The following NFAT5 variants were observed in gnomAD, a reference collection of about 807,000 sequenced individuals.
NFAT5 encodes the protein nuclear factor of activated T-cells 5.
NFAT5 carries 31 observed loss-of-function variants against 166.5 expected under a neutral mutation model. The observed-to-expected ratio is 0.19, with a 90% CI of 0.14 to 0.25. The LOEUF (loss-of-function observed/expected upper bound fraction) is 0.25, where lower values mean the gene tolerates loss of function less well. NFAT5 is among the 10% of genes least tolerant of loss of function. NFAT5 has a pLI of 1.00. For synonymous variants in NFAT5, 612 were observed against 639.7 expected (o/e 0.96, Z 0.65); for missense variants, 1,449 against 1,821.8 (o/e 0.80, Z 3.72).
intron 2 of NFAT5, among the ~76,000 whole-genome samples, chr16:69,571,391 A>G (rs1009480108): frequency 1.3e-5 from 2 of 152,076 alleles, no homozygotes; most frequent in Admixed American, 6.6e-5. Context: ...TTATTATCCT[A>G]CTTTAGAGAT....
At chr16:69,602,133 C>A (rs991794175) in intron 2 of NFAT5, among the ~76,000 whole-genome samples, 1 of 150,840 alleles carries the variant, frequency 6.6e-6, no homozygotes, top group Non-Finnish European at 1.5e-5. Flanking sequence ...CTTTTTTTTT[C>A]ATTGGGAGAA....
At chr16:69,598,715 AAG>A (rs2032953443) in intron 2 of NFAT5, among the ~76,000 whole-genome samples, 1 of 152,148 alleles carries the variant, frequency 6.6e-6, no homozygotes, top group South Asian at 2.1e-4. Context: ...ACAGACATTA[AAG>A]AAATGATTAT....
chr16:69,686,787 C>T (rs889713124), intron 11 of NFAT5, among the ~76,000 whole-genome samples: 16 of 151,944 alleles, frequency 1.1e-4, no homozygotes, highest in African/African-American at 3.9e-4. Flanking sequence ...TGCTTGAACC[C>T]GGGAGGCGGG....
Position 69,693,767 on chromosome 16 carries a change from T to C in NFAT5, c.3942T>C (p.Asn1314=). Residue 1314 remains asparagine (N), a synonymous_variant, in exon 13 of 15, where the codon AAT becomes AAC. Coordinates refer to ENST00000349945, the MANE Select transcript of NFAT5 (RefSeq NM_138713.4). ...ACATGATATTCAACCCAAATCAAAA[T>C]CCAATGGCTAATCAGGAGCAACAGA... ...PPNMIFNPNQ[N]PMANQEQQNQ... is the part of the protein sequence containing the mutation. The C allele has an allele frequency of 6.2e-7, 1 of 1,614,076 alleles. No individual in the cohort carries two copies. Among genetic ancestry groups the C allele is most frequent in the Non-Finnish European group, 8.5e-7 (1 of 1,180,020 alleles).
chr16:69,566,183 G>A lies in NFAT5; in HGVS notation c.-119G>A. 1.3e-6 allele frequency: 1 copy of A among 793,388 alleles called. No individual in the cohort carries two copies. The highest frequency in any genetic ancestry group is 2.0e-6 in the Non-Finnish European group (1 of 503,554). 49.1% of individuals were successfully genotyped at this position (793,388 alleles called of 1,614,324 possible). ...TCACTACCCTCGAGGAGGAGGCAGC[G>A]GCAGCCGCCCTCGCGTCGCCGCCCC... On this transcript the variant is annotated 5_prime_UTR_variant, in exon 1 of 15. Coordinates refer to ENST00000349945, the MANE Select transcript of NFAT5 (RefSeq NM_138713.4). The surrounding 1 kb of genome is among the most constrained non-coding windows in gnomAD (Gnocchi z 5.7).
At chr16:69,590,365 A>T (rs1341122171) in intron 2 of NFAT5, among the ~76,000 whole-genome samples, 1 of 152,176 alleles carries the variant, frequency 6.6e-6, no homozygotes, top group Non-Finnish European at 1.5e-5. Flanking sequence ...TTAGGTTTGG[A>T]TATTTAAAGT....
intron 3 of NFAT5, among the ~76,000 whole-genome samples, chr16:69,639,633 A>T (rs923131265): frequency 2.6e-5 from 4 of 152,198 alleles, no homozygotes; most frequent in African/African-American, 9.6e-5. Flanking sequence ...AAAAGTATAA[A>T]TTGGTATCCT....
chr16:69,614,251 G>T (rs72801339), intron 2 of NFAT5, among the ~76,000 whole-genome samples: 2 of 151,762 alleles, frequency 1.3e-5, no homozygotes, highest in East Asian at 3.9e-4. Context: ...GACATCCTGG[G>T]ATCAAGCAGT....
chr16:69,585,979 T>C (rs887595094), intron 2 of NFAT5, among the ~76,000 whole-genome samples: 11 of 152,340 alleles, frequency 7.2e-5, no homozygotes, highest in African/African-American at 2.2e-4. Flanking sequence ...GCCACTGAAT[T>C]GTGCACTTAA....
intron 2 of NFAT5, among the ~76,000 whole-genome samples, chr16:69,588,172 C>T (rs1157869467): frequency 6.6e-6 from 1 of 151,902 alleles, no homozygotes; most frequent in Non-Finnish European, 1.5e-5. Context: ...GGCTGGTCTC[C>T]AGTTGCTGAC....
intron 3 of NFAT5, among the ~76,000 whole-genome samples, chr16:69,629,743 A>G (rs532226003): frequency 2.9e-4 from 44 of 150,062 alleles, no homozygotes; most frequent in African/African-American, 1.1e-3. Context: ...TCTGGGAAAT[A>G]AGTGCACACT....
At chr16:69,619,557 A>G (rs2034110248) in intron 2 of NFAT5, among the ~76,000 whole-genome samples, 1 of 152,150 alleles carries the variant, frequency 6.6e-6, no homozygotes, top group Non-Finnish European at 1.5e-5. Context: ...GATTGTTTTG[A>G]GGTTAAATGA....
chr16:69,643,439 A>C (rs2035303082), intron 3 of NFAT5, among the ~76,000 whole-genome samples: 2 of 141,820 alleles, frequency 1.4e-5, no homozygotes, highest in Admixed American at 1.5e-4. Context: ...TTTTAATAGG[A>C]TATTAAGGAT....
At position 69,700,186 on chromosome 16, in the gene NFAT5, T is replaced by TC. The variant is rs2037874309; in HGVS notation, c.*3837dup. 1 of 147,512 alleles carries TC rather than the reference T, an allele frequency of 6.8e-6. No individual in the cohort carries two copies. The highest frequency in any genetic ancestry group is 2.4e-4 in the South Asian group (1 of 4,236). The allele number at this position is 147,512 out of a possible 1,614,324, so 9.1% of individuals were successfully genotyped here. ...TCTCCTTCCCTTATTCCTCCCTCCC[T>TC]CCTTTCTCCCTTCCTTCCTTTCTTC... On this transcript the variant is annotated 3_prime_UTR_variant, in exon 15 of 15. Transcript: ENST00000349945.
intron 2 of NFAT5, among the ~76,000 whole-genome samples, chr16:69,602,275 T>A (rs1415671514): frequency 6.6e-6 from 1 of 151,634 alleles, no homozygotes; most frequent in Non-Finnish European, 1.5e-5. Flanking sequence ...ATTATCTTTT[T>A]TTTTTTTTTT....
intron 3 of NFAT5, among the ~76,000 whole-genome samples, chr16:69,626,920 A>G (rs888725041): frequency 6.6e-6 from 1 of 152,138 alleles, no homozygotes; most frequent in South Asian, 2.1e-4. Flanking sequence ...ATGATCTGAA[A>G]AATGACTGAA....
At chr16:69,628,506 T>C (rs1006111341) in intron 3 of NFAT5, among the ~76,000 whole-genome samples, 2 of 152,220 alleles carry the variant, frequency 1.3e-5, no homozygotes, top group East Asian at 1.9e-4. Flanking sequence ...CAATGTAGAT[T>C]ATTCTAGGAT....
At chr16:69,649,486 C>T (rs1233542541) in intron 4 of NFAT5, 2 of 983,612 alleles carry the variant, frequency 2.0e-6, no homozygotes, top group Admixed American at 1.2e-4. Flanking sequence ...AGTATAATGA[C>T]ATTGGTCAAG....
chr16:69,692,695 T>A lies in NFAT5; in HGVS notation c.2870T>A (p.Met957Lys). The A allele has an allele frequency of 6.2e-7, 1 of 1,614,222 alleles. No homozygotes were observed. Among genetic ancestry groups the A allele is most frequent in the Non-Finnish European group, 8.5e-7 (1 of 1,180,040 alleles). ...GTTTACCAGCAGACTTCTCACATGATGAGTGCATTGTCTACCAATGAGGAT... is the reference window on the plus strand; with the variant it reads ...GTTTACCAGCAGACTTCTCACATGAAGAGTGCATTGTCTACCAATGAGGAT... ...SPVYQQTSHM[M>K]SALSTNEDMQ... The change falls in exon 13 of 15, where the codon ATG (methionine) becomes AAG (lysine). Residue 957 changes from methionine to lysine, a missense_variant. Around this residue, in one of 7 missense-constraint regions of NFAT5, gnomAD observed 891 missense variants for 993.0 expected, o/e 0.90. Transcript: ENST00000349945.
Sources: allele counts gnomAD v4.1 joint callset (sites outside exome capture counted in the v4.1 genomes callset), GRCh38; gene constraint gnomAD v4.1.1; regional missense constraint gnomAD v4.1.1; non-coding constraint Gnocchi (gnomAD v3.1); transcripts MANE v1.5; gene names NCBI Gene and HGNC (gene_info 2026-07-23, HGNC 2026-07-21).